The following RRAGD variants were observed in gnomAD, a reference collection of about 807,000 sequenced individuals.
The protein encoded by RRAGD is ras-related GTP-binding protein D.
A neutral mutation model predicts 35.5 loss-of-function variants in RRAGD; 12 were observed. The observed-to-expected ratio is 0.34, with a 90% CI of 0.22 to 0.55. The LOEUF (loss-of-function observed/expected upper bound fraction) is 0.55. RRAGD is among the 20% of genes least tolerant of loss of function. The pLI, the probability that RRAGD is intolerant of heterozygous loss-of-function variation, is 0.91. For missense variants in RRAGD, 324 were observed against 490.1 expected (o/e 0.66, Z 3.20); for synonymous variants, 155 against 178.9 (o/e 0.87, Z 1.07).
At chr6:89,405,843 T>C (rs754988759) in intron 1 of RRAGD, among the ~76,000 whole-genome samples, 26 of 152,304 alleles carry the variant, frequency 1.7e-4, no homozygotes, top group African/African-American at 6.3e-4. Flanking sequence ...GAAGCTTACG[T>C]TGATCAATGG....
intron 2 of RRAGD, among the ~76,000 whole-genome samples, chr6:89,386,409 C>A (rs761410577): frequency 6.6e-6 from 1 of 152,090 alleles, no homozygotes; most frequent in Non-Finnish European, 1.5e-5. Flanking sequence ...ATGTGGAATG[C>A]TAGAAAAGAA....
chr6:89,384,221 A>C (rs1437660180), intron 2 of RRAGD, among the ~76,000 whole-genome samples: 1 of 152,190 alleles, frequency 6.6e-6, no homozygotes, highest in Admixed American at 6.5e-5. Flanking sequence ...TGCAAACATG[A>C]TTTTTACATT....
At chr6:89,398,333 A>T (rs1769380937) in intron 1 of RRAGD, among the ~76,000 whole-genome samples, 1 of 152,224 alleles carries the variant, frequency 6.6e-6, no homozygotes. Context: ...TAATTGTTGT[A>T]ATTGACAGTT....
intron 5 of RRAGD, among the ~76,000 whole-genome samples, chr6:89,375,103 G>A (rs1044811352): frequency 6.6e-6 from 1 of 152,006 alleles, no homozygotes; most frequent in Non-Finnish European, 1.5e-5. Flanking sequence ...AATGAAAAAA[G>A]CAGGATGAAA....
At chr6:89,403,627 C>CTTTTT (rs10715442) in intron 1 of RRAGD, among the ~76,000 whole-genome samples, 28 of 116,446 alleles carry the variant, frequency 2.4e-4, no homozygotes, top group Non-Finnish European at 3.3e-4. Context: ...TTTTCTTTTT[C>CTTTTT]TTTTTTTTTT....
At chr6:89,387,694 G>A in intron 1 of RRAGD, 104 bp from the exon 2 acceptor site, 2 of 1,125,826 alleles carry the variant, frequency 1.8e-6, no homozygotes, top group Non-Finnish European at 2.6e-6. Context: ...CACAGATGAT[G>A]CCACTCTTCC....
chr6:89,409,443 T>C (rs1769652437), intron 1 of RRAGD, among the ~76,000 whole-genome samples: 1 of 152,264 alleles, frequency 6.6e-6, no homozygotes, highest in Non-Finnish European at 1.5e-5. Flanking sequence ...AATGCTTTGC[T>C]AGTGGTTCAA....
At chr6:89,395,461 T>C (rs1769315599) in intron 1 of RRAGD, among the ~76,000 whole-genome samples, 3 of 152,110 alleles carry the variant, frequency 2.0e-5, no homozygotes, top group Admixed American at 2.0e-4. Flanking sequence ...AATAAGTAAA[T>C]AAGATAAAAC....
At chr6:89,408,495 C>A (rs986824309) in intron 1 of RRAGD, among the ~76,000 whole-genome samples, 1 of 152,192 alleles carries the variant, frequency 6.6e-6, no homozygotes, top group African/African-American at 2.4e-5. Flanking sequence ...CCCTTCCCCA[C>A]AAAAGGCTAA....
At position 89,377,822 on chromosome 6, in the gene RRAGD, T is replaced by TA. The variant is rs747984622; in HGVS notation, c.760-10dup. ...TTTTCAATTCCAGAATTCTGAAATT[T>TA]AAAAAAAAAAGTTGCCTTAAAGCAA... On this transcript the variant is annotated splice_polypyrimidine_tract_variant and intron_variant, in intron 4 of 6. Coordinates refer to ENST00000369415, the MANE Select transcript of RRAGD (RefSeq NM_021244.5). 4.4e-3 allele frequency: 5,980 copies of TA among 1,371,136 alleles called. 2 individuals carry two copies. Among genetic ancestry groups the TA allele is most frequent in the East Asian group, 0.011 (418 of 37,796 alleles). 84.9% of individuals were successfully genotyped at this position (1,371,136 alleles called of 1,614,324 possible). A position where few individuals can be genotyped will look rare whatever the true frequency, so the allele number is the denominator to read the frequency against.
intron 2 of RRAGD, among the ~76,000 whole-genome samples, chr6:89,381,160 T>C (rs576580094): frequency 1.4e-4 from 22 of 152,310 alleles, no homozygotes; most frequent in African/African-American, 5.3e-4. Context: ...TGTGCCTGTT[T>C]CTTAAAAGTA....
chr6:89,373,778 CTAACAG>C (rs1391641430), intron 5 of RRAGD, among the ~76,000 whole-genome samples: 8 of 146,952 alleles, frequency 5.4e-5, no homozygotes, highest in South Asian at 2.1e-4. Flanking sequence ...CATATGTACA[CTAACAG>C]TAATTATTTC....
rs71556520 is a variant in RRAGD, at chr6:89,402,038, A to ATTTTTT, written c.148+9802_148+9807dup. ...TGAAAGCACTGAGGAAATCCTAAGG[A>ATTTTTT]TTTTTTTTTTTTTTTTTTTTTTGGT... On this transcript the variant is annotated intron_variant, in intron 1 of 6. Coordinates refer to ENST00000369415, the MANE Select transcript of RRAGD (RefSeq NM_021244.5). Among the ~76,000 whole-genome samples the ATTTTTT allele has an allele frequency of 2.1e-3, 168 of 78,422 alleles. 18 individuals are homozygous for ATTTTTT. Among genetic ancestry groups the ATTTTTT allele is most frequent in the African/African-American group, 6.4e-3 (102 of 15,858 alleles). The allele number at this position is 78,422 out of a possible 152,430, so 51.4% of individuals were successfully genotyped here. A position where few individuals can be genotyped will look rare whatever the true frequency, so the allele number is the denominator to read the frequency against.
At position 89,365,004 on chromosome 6, in the gene RRAGD, T is replaced by C. The variant is rs1372354555; in HGVS notation, c.*3052A>G. The C allele has an allele frequency of 1.3e-5, 2 of 152,262 alleles. No homozygotes were observed. The highest frequency in any genetic ancestry group is 2.9e-5 in the Non-Finnish European group (2 of 68,050). The allele number at this position is 152,262 out of a possible 1,614,324, so 9.4% of individuals were successfully genotyped here. A position where few individuals can be genotyped will look rare whatever the true frequency, so the allele number is the denominator to read the frequency against. ...ACAAATTACATCCAGTCTGTACAAG[T>C]TGAATACATACCATACTTTAATAAC... On this transcript the variant is annotated 3_prime_UTR_variant, in exon 7 of 7. Coordinates refer to ENST00000369415, the MANE Select transcript of RRAGD (RefSeq NM_021244.5).
At chr6:89,392,145 C>T (rs1284550784) in intron 1 of RRAGD, among the ~76,000 whole-genome samples, 2 of 151,464 alleles carry the variant, frequency 1.3e-5, no homozygotes, top group African/African-American at 2.4e-5. Flanking sequence ...GTATGAAACT[C>T]AAAGAAGGAT....
At position 89,408,313 on chromosome 6, in the gene RRAGD, C is replaced by T. The variant is rs2127899837; in HGVS notation, c.148+3533G>A. ...TCAGTATAACTGTTATCTCTACTTA[C>T]TTCCAAGGAACAATGAAAAGGTGAA... On this transcript the variant is annotated intron_variant, in intron 1 of 6. Transcript: ENST00000369415. 2.6e-5 allele frequency among the ~76,000 whole-genome samples: 4 copies of T among 152,286 alleles called. No individual in the cohort carries two copies. The South Asian group carries it at 8.3e-4, about 32-fold the overall frequency.
At chr6:89,388,342 A>C (rs542702876) in intron 1 of RRAGD, among the ~76,000 whole-genome samples, 18 of 152,146 alleles carry the variant, frequency 1.2e-4, no homozygotes, top group Admixed American at 4.6e-4. Flanking sequence ...GGAAAAGACG[A>C]ATGGGGAGTT....
In RRAGD at chr6:89,365,621, G is replaced by A. The variant is rs1490298916; in HGVS notation, c.*2435C>T. 6.6e-6 allele frequency: 1 copy of A among 152,134 alleles called. No homozygotes were observed. Among genetic ancestry groups the A allele is most frequent in the Non-Finnish European group, 1.5e-5 (1 of 68,036 alleles). The allele number at this position is 152,134 out of a possible 1,614,324, so 9.4% of individuals were successfully genotyped here. A position where few individuals can be genotyped will look rare whatever the true frequency, so the allele number is the denominator to read the frequency against. ...GTTAGAGGCAGTAATCTATATTAGC[G>A]TGTGATTAATCAAAGAGTACACTTA... On this transcript the variant is annotated 3_prime_UTR_variant, in exon 7 of 7. Coordinates refer to ENST00000369415, the MANE Select transcript of RRAGD (RefSeq NM_021244.5).
At chr6:89,402,787 G>T (rs934487533) in intron 1 of RRAGD, among the ~76,000 whole-genome samples, 4 of 152,194 alleles carry the variant, frequency 2.6e-5, no homozygotes, top group Non-Finnish European at 5.9e-5. Flanking sequence ...CATGCCTGAT[G>T]GTCCTTTTCC....
Sources: gnomAD v4.1 joint callset for allele counts (sites outside exome capture counted in the v4.1 genomes callset) on GRCh38, gnomAD v4.1.1 for gene constraint, MANE v1.5 for transcripts, NCBI Gene and HGNC (gene_info 2026-07-23, HGNC 2026-07-21) for gene names.